The following MEI4 variants were observed in gnomAD, a reference collection of about 807,000 sequenced individuals.
The protein encoded by MEI4 is meiotic double-stranded break formation protein 4.
Under a neutral mutation model 31.4 loss-of-function variants are expected in MEI4, and 27 were observed. That is an observed-to-expected ratio of 0.86 (90% CI 0.63 to 1.19). MEI4 has a LOEUF of 1.19. Among genes scored for constraint, MEI4 ranks in the 50% most tolerant of loss-of-function variants. The probability of loss-of-function intolerance (pLI) is 0.00; values close to 1 mark genes in which losing one functional copy is unlikely to be tolerated. For synonymous variants in MEI4, 122 were observed against 145.4 expected, an observed-to-expected ratio of 0.84 and a Z score of 1.16; for missense variants, 329 against 398.9, an observed-to-expected ratio of 0.82 and a Z score of 1.49.
intron 3 of MEI4, among the ~76,000 whole-genome samples, chr6:77,825,648 A>G (rs1231832835): frequency 6.6e-6 from 1 of 152,212 alleles, no homozygotes; most frequent in African/African-American, 2.4e-5. Flanking sequence ...TTAAATATCT[A>G]TAATTCTGAT....
intron 2 of MEI4, among the ~76,000 whole-genome samples, chr6:77,759,599 G>T (rs1487402789): frequency 1.3e-5 from 2 of 152,104 alleles, no homozygotes; most frequent in Non-Finnish European, 2.9e-5. Context: ...ACCTAAGTCA[G>T]AACCATGGAA....
intron 2 of MEI4, among the ~76,000 whole-genome samples, chr6:77,745,272 A>T (rs1767561934): frequency 6.6e-6 from 1 of 152,184 alleles, no homozygotes; most frequent in African/African-American, 2.4e-5. Context: ...AGGATGGAGG[A>T]AGACCTACCA....
chr6:77,695,588 A>AT (rs1347684180), intron 2 of MEI4, among the ~76,000 whole-genome samples: 1 of 152,084 alleles, frequency 6.6e-6, no homozygotes, highest in African/African-American at 2.4e-5. Context: ...ATGTGGCATT[A>AT]TTTTTGAGGG....
intron 4 of MEI4, among the ~76,000 whole-genome samples, chr6:77,867,035 A>G (rs1562018476): frequency 6.6e-6 from 1 of 152,224 alleles, no homozygotes; most frequent in Non-Finnish European, 1.5e-5. Flanking sequence ...GAAAGCTGAA[A>G]CTGGATCTCT....
At chr6:77,800,678 T>G (rs577445515) in intron 3 of MEI4, among the ~76,000 whole-genome samples, 1 of 152,092 alleles carries the variant, frequency 6.6e-6, no homozygotes, top group Admixed American at 6.6e-5. Flanking sequence ...GAATACCTAA[T>G]TTAGTCAGAA....
intron 2 of MEI4, among the ~76,000 whole-genome samples, chr6:77,753,822 T>G (rs1252436693): frequency 6.6e-6 from 1 of 152,132 alleles, no homozygotes; most frequent in African/African-American, 2.4e-5. Flanking sequence ...TGCGGCACTG[T>G]TCACAATAGC....
intron 4 of MEI4, among the ~76,000 whole-genome samples, chr6:77,837,865 TTATCC>T (rs1380555640): frequency 1.3e-5 from 2 of 152,180 alleles, no homozygotes; most frequent in Non-Finnish European, 2.9e-5. Flanking sequence ...AAGGTGCTTA[TTATCC>T]TTTATAACTA....
chr6:77,711,414 T>C (rs184976149), intron 2 of MEI4, among the ~76,000 whole-genome samples: 1 of 152,342 alleles, frequency 6.6e-6, no homozygotes, highest in Admixed American at 6.5e-5. Flanking sequence ...TAATTTTTAT[T>C]TGTCACTGGT....
intron 4 of MEI4, among the ~76,000 whole-genome samples, chr6:77,875,673 A>C: frequency 6.6e-6 from 1 of 152,326 alleles, no homozygotes; most frequent in Non-Finnish European, 1.5e-5. Flanking sequence ...GTTTTATACT[A>C]AATAAATATC....
chr6:77,662,158 G>A (rs1768525045), intron 1 of MEI4, among the ~76,000 whole-genome samples: 1 of 152,162 alleles, frequency 6.6e-6, no homozygotes, highest in East Asian at 1.9e-4. Context: ...CAAGAGTGAG[G>A]GCTTGAGTTA....
intron 1 of MEI4, among the ~76,000 whole-genome samples, chr6:77,663,096 G>A (rs1465231850): frequency 6.6e-6 from 1 of 152,258 alleles, no homozygotes; most frequent in Non-Finnish European, 1.5e-5. Flanking sequence ...GAGAGTATAT[G>A]GGTTTGGCAC....
intron 4 of MEI4, among the ~76,000 whole-genome samples, chr6:77,849,703 C>A (rs756929076): frequency 2.0e-5 from 3 of 152,026 alleles, no homozygotes; most frequent in Non-Finnish European, 2.9e-5. Flanking sequence ...TAGTGCATAC[C>A]GTAAAGTAGA....
intron 2 of MEI4, among the ~76,000 whole-genome samples, chr6:77,736,205 TG>T (rs1767206865): frequency 6.6e-6 from 1 of 152,052 alleles, no homozygotes; most frequent in Non-Finnish European, 1.5e-5. Flanking sequence ...TAAGCAAGCC[TG>T]GGCAATGGCG....
chr6:77,692,239 C>T (rs1419952208), intron 2 of MEI4, among the ~76,000 whole-genome samples: 1 of 152,044 alleles, frequency 6.6e-6, no homozygotes, highest in African/African-American at 2.4e-5. Flanking sequence ...GTGAGGTATT[C>T]CTTGACTCCT....
chr6:77,834,520 C>CG (rs35065061), intron 4 of MEI4, among the ~76,000 whole-genome samples: 2 of 150,990 alleles, frequency 1.3e-5, no homozygotes, highest in South Asian at 2.1e-4. Context: ...GCACTAGCTG[C>CG]GGGGGGTCTG....
intron 2 of MEI4, among the ~76,000 whole-genome samples, chr6:77,754,699 C>G (rs1767867082): frequency 6.6e-6 from 1 of 152,160 alleles, no homozygotes; most frequent in African/African-American, 2.4e-5. Context: ...AAATGAGGTT[C>G]TGTTGACTCA....
At chr6:77,862,763 G>A (rs1367544787) in intron 4 of MEI4, among the ~76,000 whole-genome samples, 4 of 152,198 alleles carry the variant, frequency 2.6e-5, no homozygotes, top group Non-Finnish European at 4.4e-5. Context: ...ATCTGAGAAC[G>A]GACAGACGGC....
In MEI4 at chr6:77,761,500, C is replaced by T. The variant is rs1768044981; in HGVS notation, c.603C>T (p.Pro201=). 1 of 1,232,078 alleles carries T rather than the reference C, an allele frequency of 8.1e-7. No individual in the cohort carries two copies. The highest frequency in any genetic ancestry group is 3.2e-5 in the East Asian group (1 of 31,696). The allele number at this position is 1,232,078 out of a possible 1,614,324, so 76.3% of individuals were successfully genotyped here. A position where few individuals can be genotyped will look rare whatever the true frequency, so the allele number is the denominator to read the frequency against. ...GCCTGATCACTTTTTACCGTAATCC[C>T]AAACTTCCTTTTTCAAGATTTTGGA... ...LDGLITFYRN[P]KLPFSRFWTE... is the part of the protein sequence containing the mutation. The change falls in exon 3 of 5, where the codon CCC becomes CCT. Residue 201 remains proline, a synonymous_variant. Coordinates refer to ENST00000684080, the MANE Select transcript of MEI4 (RefSeq NM_001322247.2).
intron 1 of MEI4, among the ~76,000 whole-genome samples, chr6:77,655,079 C>T (rs113388557): frequency 0.01 from 1,544 of 152,126 alleles, 29 homozygotes; most frequent in African/African-American, 0.036. Flanking sequence ...TGACAGGCCC[C>T]GGTGTGTGAT....
Sources: gnomAD v4.1 joint callset for allele counts (sites outside exome capture counted in the v4.1 genomes callset) on GRCh38, gnomAD v4.1.1 for gene constraint, MANE v1.5 for transcripts, NCBI Gene and HGNC (gene_info 2026-07-23, HGNC 2026-07-21) for gene names.